The following MYH2 variants were observed in gnomAD, a reference collection of about 807,000 sequenced individuals.
The protein encoded by MYH2 is myosin-2.
MYH2 carries 139 observed loss-of-function variants against 228.1 expected under a neutral mutation model. The ratio of observed to expected loss-of-function variants is 0.61; its 90% confidence interval spans 0.53 to 0.70. The LOEUF (loss-of-function observed/expected upper bound fraction) is 0.70, where lower values mean the gene tolerates loss of function less well. Among genes scored for constraint, MYH2 ranks in the 30% least tolerant of loss-of-function variants. The pLI, the probability that MYH2 is intolerant of heterozygous loss-of-function variation, is 0.00. For synonymous variants in MYH2, 796 were observed against 871.1 expected (o/e 0.91, Z 1.52); for missense variants, 1,809 against 2,357.5 (o/e 0.77, Z 4.82).
rs199911453 is a variant in MYH2 at position 10,545,408 on chromosome 17, C to T, written c.443G>A (p.Arg148His). The T allele has an allele frequency of 8.1e-6, 13 of 1,613,964 alleles. No individual in the cohort carries two copies. The East Asian group carries it at 1.3e-4, about 17-fold the overall frequency. Residue 148 changes from arginine to histidine, a missense_variant, in exon 5 of 40, where the codon CGC becomes CAC. Around this residue, in one of 9 missense-constraint regions of MYH2, gnomAD observed 373 missense variants for 620.4 expected, o/e 0.60. Coordinates refer to ENST00000245503, the MANE Select transcript of MYH2 (RefSeq NM_017534.6). ...GAAGATGTGGGGCGGGGCCTCCTGG[C>T]GCTTTTTGCCTCGGTAGGCTGTCAC... ...EVVTAYRGKKRQEAPPHIFSI... is the reference protein window; with the variant it reads ...EVVTAYRGKKHQEAPPHIFSI...
At chr17:10,545,528 C>T (rs763233033) in intron 4 of MYH2, 26 bp from the exon 5 acceptor site, 3 of 1,612,742 alleles carry the variant, frequency 1.9e-6, no homozygotes, top group East Asian at 4.5e-5. Context: ...AGAATAAGTA[C>T]CCAAAGACCT....
At chr17:10,536,222 G>T (rs2073480756) in intron 17 of MYH2, among the ~76,000 whole-genome samples, 1 of 152,054 alleles carries the variant, frequency 6.6e-6, no homozygotes, top group Non-Finnish European at 1.5e-5. Context: ...AGTGTACACT[G>T]CTCTGGTGAT....
intron 6 of MYH2, 34 bp downstream of exon 6, chr17:10,544,066 A>G (rs760053463): frequency 6.2e-7 from 1 of 1,614,200 alleles, no homozygotes; most frequent in South Asian, 1.1e-5. Context: ...AGCAGCTATC[A>G]CAGCCATGTA....
At chr17:10,539,871 A>T in intron 12 of MYH2, 57 bp downstream of exon 12, 1 of 1,610,548 alleles carries the variant, frequency 6.2e-7, no homozygotes, top group Non-Finnish European at 8.5e-7. Flanking sequence ...CTGGGTAACA[A>T]GTTAAGAATG....
At chr17:10,527,157 G>T in intron 28 of MYH2, 101 bp from the exon 29 acceptor site, 1 of 1,047,674 alleles carries the variant, frequency 9.5e-7, no homozygotes, top group Non-Finnish European at 1.5e-6. Flanking sequence ...CAAATTGAGT[G>T]CTCAGATGGT....
At chr17:10,544,733 G>A (rs1180449544) in intron 5 of MYH2, among the ~76,000 whole-genome samples, 1 of 152,136 alleles carries the variant, frequency 6.6e-6, no homozygotes, top group South Asian at 2.1e-4. Flanking sequence ...CCCTTCTCAA[G>A]GTGCCACAAG....
chr17:10,547,311 G>A (rs2073647519), intron 4 of MYH2, among the ~76,000 whole-genome samples, 164 bp downstream of exon 4: 3 of 152,142 alleles, frequency 2.0e-5, no homozygotes, highest in Admixed American at 6.5e-5. Context: ...AGTGCTGGCT[G>A]TTGAGCTGTG....
At chr17:10,540,156 C>T (rs2073533334) in intron 11 of MYH2, 90 bp from the exon 12 acceptor site, 8 of 1,559,944 alleles carry the variant, frequency 5.1e-6, no homozygotes, top group African/African-American at 1.4e-5. Context: ...CCTGAGGAAA[C>T]TACCAGTGCT....
At chr17:10,540,254 A>G (rs542282408) in intron 11 of MYH2, among the ~76,000 whole-genome samples, 188 bp from the exon 12 acceptor site, 1 of 152,176 alleles carries the variant, frequency 6.6e-6, no homozygotes, top group Non-Finnish European at 1.5e-5. Flanking sequence ...ATAGGTGCAT[A>G]CCCTCTGAAG....
chr17:10,531,576 C>T, intron 22 of MYH2, 57 bp downstream of exon 22: 1 of 1,613,638 alleles, frequency 6.2e-7, no homozygotes, highest in Non-Finnish European at 8.5e-7. Context: ...CCACAATGGC[C>T]AAAGTTCTAG....
intron 39 of MYH2, among the ~76,000 whole-genome samples, chr17:10,522,443 A>C (rs2073295470): frequency 6.6e-6 from 1 of 152,000 alleles, no homozygotes. Flanking sequence ...TATTTTATTA[A>C]TTCCCCAGAA....
intron 17 of MYH2, among the ~76,000 whole-genome samples, chr17:10,536,220 C>T (rs140388058): frequency 2.5e-4 from 38 of 152,210 alleles, no homozygotes; most frequent in African/African-American, 8.9e-4. Context: ...ACAGTGTACA[C>T]TGCTCTGGTG....
Position 10,540,736 on chromosome 17 carries a change from C to A in MYH2, c.905-39G>T, listed in dbSNP as rs749975153. On this transcript the variant is annotated intron_variant, in intron 10 of 39. Transcript: ENST00000245503. Reference sequence around the variant, plus strand: ...ACAGAACAAAGATAAACATAATTATCTTCTTCATTAAAACAAGAGATTTCT... The same window carrying A: ...ACAGAACAAAGATAAACATAATTATATTCTTCATTAAAACAAGAGATTTCT... The A allele has an allele frequency of 1.3e-5, 20 of 1,502,060 alleles. No homozygotes were observed. The African/African-American group carries it at 2.3e-4, about 18-fold the overall frequency. 93.0% of individuals were successfully genotyped at this position (1,502,060 alleles called of 1,614,324 possible).
At position 10,527,816 on chromosome 17, in the gene MYH2, T is replaced by C. The variant is rs2073372548; in HGVS notation, c.3803A>G (p.Lys1268Arg). ...GATCAGCCGCTGCTGCTCCTCTTCC[T>C]TTGATTTCAGTTCACTCAGTTGGTC... ...LEDQLSELKS[K>R]EEEQQRLIND... is the part of the protein sequence containing the mutation. The change falls in exon 28 of 40, where the codon AAG (lysine) becomes AGG (arginine). Residue 1268 changes from lysine (K) to arginine (R), a missense_variant. Transcript: ENST00000245503. The C allele has an allele frequency of 2.5e-6, 4 of 1,613,972 alleles. No individual in the cohort carries two copies. Among genetic ancestry groups the C allele is most frequent in the Non-Finnish European group, 2.5e-6 (3 of 1,180,034 alleles).
At position 10,524,615 on chromosome 17, in the gene MYH2, G is replaced by C. The variant is rs1030177193; in HGVS notation, c.5026C>G (p.Gln1676Glu). 6.2e-7 allele frequency: 1 copy of C among 1,614,088 alleles called. No homozygotes were observed. The highest frequency in any genetic ancestry group is 8.5e-7 in the Non-Finnish European group (1 of 1,180,052). Residue 1676 changes from glutamine to glutamate, a missense_variant, in exon 35 of 40, where the codon CAG becomes GAG. Gln to Glu is a conservative substitution (Grantham distance 29). Coordinates refer to ENST00000245503, the MANE Select transcript of MYH2 (RefSeq NM_017534.6). The surrounding 1 kb of genome is among the most constrained non-coding windows in gnomAD (Gnocchi z 4.7). ...GCTCTGCGCTCCACCATGGCCAGCT[G>C]TTCCTTCAGGTCCTCCTGGCTCCGG... ...ALRSQEDLKE[Q>E]LAMVERRANL...
At chr17:10,528,031 A>C (rs1039620020) in intron 27 of MYH2, among the ~76,000 whole-genome samples, 157 bp from the exon 28 acceptor site, 13 of 147,038 alleles carry the variant, frequency 8.8e-5, no homozygotes, top group Middle Eastern at 3.5e-3. Flanking sequence ...TAATGCAGAA[A>C]AATTTTTCTT....
In MYH2 at chr17:10,536,622, G is replaced by T. The variant is rs1274248182; in HGVS notation, c.1898-16C>A. 1 of 1,608,728 alleles carries T rather than the reference G, an allele frequency of 6.2e-7. No homozygotes were observed. Among genetic ancestry groups the T allele is most frequent in the Non-Finnish European group, 8.5e-7 (1 of 1,175,838 alleles). On this transcript the variant is annotated splice_polypyrimidine_tract_variant and intron_variant, in intron 16 of 39. Coordinates refer to ENST00000245503, the MANE Select transcript of MYH2 (RefSeq NM_017534.6). ...CCAGCTCCCTCTGAAGAAAAAGGAAGAAAAGAAATACTGTTTTGAATTGGC... is the reference window on the plus strand; with the variant it reads ...CCAGCTCCCTCTGAAGAAAAAGGAATAAAAGAAATACTGTTTTGAATTGGC...
intron 28 of MYH2, 125 bp from the exon 29 acceptor site, chr17:10,527,181 G>A: frequency 1.2e-6 from 1 of 824,956 alleles, no homozygotes; most frequent in Non-Finnish European, 2.1e-6. Flanking sequence ...ATTCTATACT[G>A]ACATCTTCAT....
chr17:10,545,216 C>T, intron 5 of MYH2, 130 bp downstream of exon 5: 1 of 1,554,898 alleles, frequency 6.4e-7, no homozygotes, highest in African/African-American at 1.4e-5. Context: ...TGGACCTTCT[C>T]CTTCATAAAT....
Sources: gnomAD v4.1 joint callset for allele counts (sites outside exome capture counted in the v4.1 genomes callset) on GRCh38, gnomAD v4.1.1 for gene constraint, gnomAD v4.1.1 regional missense constraint, Gnocchi (gnomAD v3.1) non-coding constraint, MANE v1.5 for transcripts, NCBI Gene and HGNC (gene_info 2026-07-23, HGNC 2026-07-21) for gene names.